Variants in CELF2 observed in about 807,000 individuals in gnomAD.
CELF2 encodes the protein CUG triplet repeat RNA-binding protein 2.
Under a neutral mutation model 62.6 loss-of-function variants are expected in CELF2, and 8 were observed. That is an observed-to-expected ratio of 0.13 (90% CI 0.07 to 0.23). The LOEUF (loss-of-function observed/expected upper bound fraction) is 0.23, where lower values mean the gene tolerates loss of function less well. CELF2 is among the 10% of genes least tolerant of loss of function. The probability of loss-of-function intolerance (pLI) is 1.00; values close to 1 mark genes in which losing one functional copy is unlikely to be tolerated. For missense variants in CELF2, 333 were observed against 671.0 expected (o/e 0.50, Z 5.56); for synonymous variants, 258 against 250.0 (o/e 1.03, Z -0.30).
Position 10,901,199 on chromosome 10 carries a change from C to T in CELF2, c.54-18765C>T, listed in dbSNP as rs528286066. 2.0e-5 allele frequency among the ~76,000 whole-genome samples: 3 copies of T among 152,212 alleles called. No homozygotes were observed. In the East Asian group the frequency reaches 5.8e-4, roughly 29 times the overall value. ...TGGTAAAATTCATGTGGACACAGGA[C>T]CTAAAATAATCAAATAACGTTGACA... is the stretch of plus-strand genomic sequence containing the variant. On this transcript the variant is annotated intron_variant, in intron 1 of 13. Transcript: ENST00000636488.
At chr10:11,066,718 A>G (rs2068270295) in intron 1 of CELF2, among the ~76,000 whole-genome samples, 1 of 152,094 alleles carries the variant, frequency 6.6e-6, no homozygotes, top group South Asian at 2.1e-4. Flanking sequence ...TGTCGGGGAT[A>G]AGGAGGAGGA....
At chr10:11,037,891 A>G (rs949913553) in intron 1 of CELF2, among the ~76,000 whole-genome samples, 1 of 152,208 alleles carries the variant, frequency 6.6e-6, no homozygotes, top group African/African-American at 2.4e-5. Context: ...GCAAGATAGA[A>G]TTGGGTTATA....
chr10:11,132,535 G>C (rs115910199), intron 1 of CELF2, among the ~76,000 whole-genome samples: 2,905 of 152,272 alleles, frequency 0.019, 98 homozygotes, highest in African/African-American at 0.066. Context: ...CAGCCTGATC[G>C]TGAATACTCA....
chr10:10,588,314 A>G, the CELF2 span, among the ~76,000 whole-genome samples: 2 of 152,198 alleles, frequency 1.3e-5, no homozygotes, highest in African/African-American at 2.4e-5. Context: ...TAACAGGAAC[A>G]AGCAGGTGAA....
chr10:10,622,363 C>A, the CELF2 span, among the ~76,000 whole-genome samples: 6 of 152,114 alleles, frequency 3.9e-5, no homozygotes, highest in Non-Finnish European at 8.8e-5. Flanking sequence ...AATCTCAGAA[C>A]TTTCGGAGGC....
upstream of CELF2, among the ~76,000 whole-genome samples, chr10:11,017,244 A>G (rs545044599): frequency 1.3e-5 from 2 of 152,312 alleles, no homozygotes; most frequent in African/African-American, 4.8e-5. The surrounding 1 kb of genome is among the most constrained non-coding windows in gnomAD (Gnocchi z 5.5). Flanking sequence ...GCTGGTTTCT[A>G]ATTATTGTGT....
At chr10:11,216,796 C>A (rs1208652104) in intron 2 of CELF2, among the ~76,000 whole-genome samples, 1 of 152,188 alleles carries the variant, frequency 6.6e-6, no homozygotes, top group African/African-American at 2.4e-5. Flanking sequence ...GGGCCAGAGT[C>A]CACTAACATC....
the CELF2 span, among the ~76,000 whole-genome samples, chr10:10,742,026 T>C: frequency 1.1e-3 from 170 of 152,350 alleles, 1 homozygote; most frequent in Admixed American, 4.1e-3. Flanking sequence ...TGCTGTTCTA[T>C]GTATTATCTA....
chr10:10,955,185 T>C (rs2048760511), intron 2 of CELF2, among the ~76,000 whole-genome samples: 1 of 152,216 alleles, frequency 6.6e-6, no homozygotes, highest in East Asian at 1.9e-4. Flanking sequence ...GAAAACAAAC[T>C]CAGAGGCAAT....
chr10:10,736,722 C>A, the CELF2 span, among the ~76,000 whole-genome samples: 1 of 151,920 alleles, frequency 6.6e-6, no homozygotes, highest in East Asian at 1.9e-4. Flanking sequence ...TTCCTAGTGG[C>A]TAAAGTGTGT....
At chr10:10,500,850 TA>T in the CELF2 span, among the ~76,000 whole-genome samples, 1 of 152,218 alleles carries the variant, frequency 6.6e-6, no homozygotes, top group South Asian at 2.1e-4. Context: ...TCCATTTCTA[TA>T]ATTTTGTCAT....
At chr10:10,567,274 C>T in the CELF2 span, among the ~76,000 whole-genome samples, 9 of 152,200 alleles carry the variant, frequency 5.9e-5, no homozygotes, top group African/African-American at 2.2e-4. Context: ...TTCCAACAAA[C>T]CGACCAGGAA....
At chr10:10,828,945 A>G (rs891415625) in intron 1 of CELF2, among the ~76,000 whole-genome samples, 3 of 152,212 alleles carry the variant, frequency 2.0e-5, no homozygotes, top group African/African-American at 7.2e-5. Context: ...CTGCAAATTG[A>G]CCTTCCAAAA....
At chr10:11,226,600 CCACACACACACACACACACACACACA>C (rs59521803) in intron 3 of CELF2, among the ~76,000 whole-genome samples, 2 of 25,896 alleles carry the variant, frequency 7.7e-5, no homozygotes, top group Non-Finnish European at 1.8e-4. Flanking sequence ...CAGGCAGTGG[CCACACACACACACACACACACACACA>C]CACACACACA....
the CELF2 span, among the ~76,000 whole-genome samples, chr10:10,550,830 C>T: frequency 6.6e-6 from 1 of 152,084 alleles, no homozygotes; most frequent in Admixed American, 6.6e-5. Context: ...TCCCGAGTGG[C>T]TGGGATTACA....
At chr10:10,698,645 A>G in the CELF2 span, among the ~76,000 whole-genome samples, 2 of 152,170 alleles carry the variant, frequency 1.3e-5, no homozygotes, top group Non-Finnish European at 2.9e-5. Context: ...GGTCTCAACT[A>G]CTTCCCAGCT....
At chr10:11,153,906 G>A (rs1307376275) in intron 1 of CELF2, among the ~76,000 whole-genome samples, 1 of 152,170 alleles carries the variant, frequency 6.6e-6, no homozygotes, top group East Asian at 1.9e-4. Flanking sequence ...CAGCAATTTG[G>A]TTGCTGCCTC....
chr10:11,146,107 A>G (rs2132458310), intron 1 of CELF2, among the ~76,000 whole-genome samples: 1 of 152,346 alleles, frequency 6.6e-6, no homozygotes, highest in East Asian at 1.9e-4. Context: ...TTGCATAGCA[A>G]GAAAGCTTCA....
At position 10,967,618 on chromosome 10, in the gene CELF2, G is replaced by A. The variant is rs748831244; in HGVS notation, c.89+47619G>A. On this transcript the variant is annotated intron_variant, in intron 2 of 13. Transcript: ENST00000636488. ...GTGGGCGCCAGCCTCCTAGTTTGCC[G>A]TGCAGCCTAAGAAACATACAGCAAG... Among the ~76,000 whole-genome samples, 16 of 152,312 alleles carry A rather than the reference G, an allele frequency of 1.1e-4. No homozygotes were observed. The South Asian group carries it at 1.9e-3, about 18-fold the overall frequency.
Sources: allele counts gnomAD v4.1 joint callset (sites outside exome capture counted in the v4.1 genomes callset), GRCh38; gene constraint gnomAD v4.1.1; non-coding constraint Gnocchi (gnomAD v3.1); transcripts MANE v1.5; gene names NCBI Gene and HGNC (gene_info 2026-07-23, HGNC 2026-07-21).